The following PIAS2 variants were observed in gnomAD, a reference collection of about 807,000 sequenced individuals.
The protein encoded by PIAS2 is E3 SUMO-protein ligase PIAS2.
PIAS2 carries 19 observed loss-of-function variants against 69.7 expected under a neutral mutation model. The ratio of observed to expected loss-of-function variants is 0.27; its 90% CI spans 0.19 to 0.40. The LOEUF (loss-of-function observed/expected upper bound fraction) is 0.40, where lower values mean the gene tolerates loss of function less well. PIAS2 is among the 10% of genes least tolerant of loss of function. The pLI, the probability that PIAS2 is intolerant of heterozygous loss-of-function variation, is 1.00. For synonymous variants in PIAS2, 261 were observed against 263.2 expected, an observed-to-expected ratio of 0.99 and a Z score of 0.08; for missense variants, 624 against 757.0, an observed-to-expected ratio of 0.82 and a Z score of 2.06.
chr18:46,902,187 T>C (rs539971783), intron 1 of PIAS2, among the ~76,000 whole-genome samples: 11 of 148,722 alleles, frequency 7.4e-5, no homozygotes, highest in Non-Finnish European at 1.6e-4. Context: ...AAAATACATA[T>C]GTAAAAATGT....
Position 46,847,103 on chromosome 18 carries a change from C to T in PIAS2, c.727-262G>A, listed in dbSNP as rs750386849. 9.5e-4 allele frequency among the ~76,000 whole-genome samples: 145 copies of T among 152,236 alleles called. 1 individual carries two copies. The highest frequency in any genetic ancestry group is 1.1e-3 in the Non-Finnish European group (72 of 68,028). On this transcript the variant is annotated intron_variant, in intron 5 of 13. Transcript: ENST00000585916. ...AAAATTAAAGATGCTGACATCTTGCCACATTGGCTATGAATGGTTTTCCTT... is the reference window on the plus strand; with the variant it reads ...AAAATTAAAGATGCTGACATCTTGCTACATTGGCTATGAATGGTTTTCCTT...
At position 46,835,154 on chromosome 18, in the gene PIAS2, T is replaced by C. The variant is rs554272884; in HGVS notation, c.1202+1203A>G. On this transcript the variant is annotated intron_variant, in intron 9 of 13. Transcript: ENST00000585916. ...TAACTCTCAAATGGTTCAAAAGAAT[T>C]CTAAAAATGGTAATAATCATCTCTC... Among the ~76,000 whole-genome samples, 168 of 152,198 alleles carry C rather than the reference T, an allele frequency of 1.1e-3. 1 individual carries two copies. Among genetic ancestry groups the C allele is most frequent in the African/African-American group, 3.9e-3 (160 of 41,524 alleles).
At chr18:46,844,889 CTT>C (rs1363154453) in intron 6 of PIAS2, 50 bp from the exon 7 acceptor site, 1 of 699,086 alleles carries the variant, frequency 1.4e-6, no homozygotes, top group Non-Finnish European at 2.3e-6. Flanking sequence ...ATAATATTCT[CTT>C]TGTTTACATG....
At chr18:46,849,485 C>G (rs1267475404) in intron 5 of PIAS2, among the ~76,000 whole-genome samples, 1 of 152,102 alleles carries the variant, frequency 6.6e-6, no homozygotes, top group African/African-American at 2.4e-5. Context: ...TGACAGGGAA[C>G]CAGTGGGGCA....
upstream of PIAS2, chr18:46,917,590 G>C (rs2058136944): frequency 2.9e-6 from 3 of 1,041,196 alleles, no homozygotes; most frequent in African/African-American, 1.7e-5. Context: ...ACCGCCTTCC[G>C]CCCGCGCCTT....
rs1464710852 is a variant in PIAS2, at chr18:46,811,812, G to GA, written c.*620dup. ...ACGTCAAAGTGTAAATGATAAGCAG[G>GA]AAAAAAACCAAGTAACACGAATGCC... On this transcript the variant is annotated 3_prime_UTR_variant, in exon 14 of 14. Coordinates refer to ENST00000585916, the MANE Select transcript of PIAS2 (RefSeq NM_004671.5). 6.6e-6 allele frequency: 1 copy of GA among 152,198 alleles called. No individual in the cohort carries two copies. Among genetic ancestry groups the GA allele is most frequent in the East Asian group, 1.9e-4 (1 of 5,182 alleles). 9.4% of individuals were successfully genotyped at this position (152,198 alleles called of 1,614,324 possible). A position where few individuals can be genotyped will look rare whatever the true frequency, so the allele number is the denominator to read the frequency against.
At chr18:46,837,471 G>A (rs2044625136) in intron 8 of PIAS2, among the ~76,000 whole-genome samples, 1 of 151,798 alleles carries the variant, frequency 6.6e-6, no homozygotes, top group African/African-American at 2.4e-5. Context: ...CTATTTATAG[G>A]CACTCTTTAT....
At chr18:46,855,723 C>T in intron 3 of PIAS2, 108 bp from the exon 4 acceptor site, 1 of 818,578 alleles carries the variant, frequency 1.2e-6, no homozygotes. Context: ...TTTCTTATTC[C>T]CTGAAAGGTG....
intron 9 of PIAS2, among the ~76,000 whole-genome samples, chr18:46,834,382 A>C (rs916244592): frequency 2.0e-5 from 3 of 152,234 alleles, no homozygotes; most frequent in African/African-American, 7.2e-5. Flanking sequence ...AGAGAAATTA[A>C]TATCCTCAAT....
chr18:46,862,636 C>CAT (rs748784372), intron 3 of PIAS2, among the ~76,000 whole-genome samples: 1 of 151,926 alleles, frequency 6.6e-6, no homozygotes, highest in East Asian at 1.9e-4. Context: ...TATATACATA[C>CAT]ATATATATAC....
chr18:46,885,345 C>T (rs375166466), intron 2 of PIAS2, among the ~76,000 whole-genome samples: 4 of 151,770 alleles, frequency 2.6e-5, no homozygotes, highest in East Asian at 3.9e-4. Context: ...AGTGAAACCC[C>T]GTCTCTATTA....
chr18:46,822,959 C>T (rs2042341243), intron 11 of PIAS2, among the ~76,000 whole-genome samples: 1 of 151,648 alleles, frequency 6.6e-6, no homozygotes, highest in African/African-American at 2.4e-5. Context: ...CATTTAGAGC[C>T]AGGCAAGGTG....
rs114140692 is a variant in PIAS2, at chr18:46,846,827, C to T, written c.741G>A (p.Pro247=). 2.0e-4 allele frequency: 328 copies of T among 1,607,252 alleles called. 1 individual carries two copies. The African/African-American group carries it at 3.9e-3, about 19-fold the overall frequency. The stretch of plus-strand genomic sequence containing the variant: ...GCTTCTGTTCAATCCCATTTTTAGG[C>T]GGTGGTGCATAGCCCTATAACCGTA... ...KLFPLPGYAP[P]PKNGIEQKRP... The change falls in exon 6 of 14, where the codon CCG becomes CCA. Residue 247 remains proline, a synonymous_variant. Coordinates refer to ENST00000585916, the MANE Select transcript of PIAS2 (RefSeq NM_004671.5).
rs146430037 is a variant in PIAS2, at chr18:46,873,489, G to A, written c.500-9241C>T. On this transcript the variant is annotated intron_variant, in intron 2 of 13. Coordinates refer to ENST00000585916, the MANE Select transcript of PIAS2 (RefSeq NM_004671.5). Reference sequence around the variant, plus strand: ...GGTGGTTGATGGAGAAGCTCTTGCAGAAGTAGAGTCAGGAAGATTGCCCAA... The same window carrying A: ...GGTGGTTGATGGAGAAGCTCTTGCAAAAGTAGAGTCAGGAAGATTGCCCAA... 6.3e-3 allele frequency among the ~76,000 whole-genome samples: 956 copies of A among 152,334 alleles called. 7 individuals are homozygous for A. Among genetic ancestry groups the A allele is most frequent in the African/African-American group, 0.022 (899 of 41,582 alleles).
At chr18:46,855,470 G>C in intron 4 of PIAS2, 35 bp from the exon 5 acceptor site, 3 of 1,578,070 alleles carry the variant, frequency 1.9e-6, no homozygotes, top group Non-Finnish European at 1.7e-6. Context: ...TTCTTAAATA[G>C]TGTGCTCAAA....
chr18:46,901,685 A>C (rs1255604988), intron 1 of PIAS2, among the ~76,000 whole-genome samples: 2 of 152,216 alleles, frequency 1.3e-5, no homozygotes, highest in Non-Finnish European at 2.9e-5. Context: ...CATATGATCA[A>C]ATCAATCAAT....
chr18:46,911,982 C>T (rs1340961643), intron 1 of PIAS2, among the ~76,000 whole-genome samples: 3 of 151,850 alleles, frequency 2.0e-5, no homozygotes, highest in Non-Finnish European at 4.4e-5. Flanking sequence ...ACCCAGGAGG[C>T]GGAGGTTGCA....
chr18:46,879,572 A>T (rs752307904), intron 2 of PIAS2, among the ~76,000 whole-genome samples: 2 of 152,204 alleles, frequency 1.3e-5, no homozygotes, highest in Non-Finnish European at 2.9e-5. Flanking sequence ...TACTCATAAG[A>T]ATTAAAAAAC....
At chr18:46,856,864 C>T (rs1011921817) in intron 3 of PIAS2, among the ~76,000 whole-genome samples, 8 of 152,164 alleles carry the variant, frequency 5.3e-5, no homozygotes, top group African/African-American at 1.4e-4. Flanking sequence ...TCCCAATCCT[C>T]GAGCTCCACT....
Sources: gnomAD v4.1 joint callset for allele counts (sites outside exome capture counted in the v4.1 genomes callset) on GRCh38, gnomAD v4.1.1 for gene constraint, MANE v1.5 for transcripts, NCBI Gene and HGNC (gene_info 2026-07-23, HGNC 2026-07-21) for gene names.